The following OSTM1 variants were observed in gnomAD, a reference collection of about 807,000 sequenced individuals.
The protein encoded by OSTM1 is osteoclastogenesis associated transmembrane protein 1, also known as osteopetrosis-associated transmembrane protein 1.
OSTM1 carries 26 observed loss-of-function variants against 35.4 expected under a neutral mutation model. The ratio of observed to expected loss-of-function variants is 0.73; its 90% CI spans 0.54 to 1.02. The LOEUF (loss-of-function observed/expected upper bound fraction) is 1.02, where lower values mean the gene tolerates loss of function less well. Ranked by LOEUF, OSTM1 falls within the 50% of genes least tolerant of loss-of-function variation. The pLI, the probability that OSTM1 is intolerant of heterozygous loss-of-function variation, is 0.00. For synonymous variants in OSTM1, 181 were observed against 165.0 expected (o/e 1.10, Z -0.75); for missense variants, 366 against 409.6 (o/e 0.89, Z 0.92).
intron 4 of OSTM1, among the ~76,000 whole-genome samples, chr6:108,050,107 CCATT>C (rs1195590944): frequency 6.6e-6 from 1 of 152,048 alleles, no homozygotes; most frequent in Non-Finnish European, 1.5e-5. Context: ...TTTTTTTTGA[CCATT>C]CAATTAATAC....
At position 108,065,216 on chromosome 6, in the gene OSTM1, T is replaced by C. The variant is rs535716826; in HGVS notation, c.403-917A>G. Among the ~76,000 whole-genome samples, 11 of 151,246 alleles carry C rather than the reference T, an allele frequency of 7.3e-5. No homozygotes were observed. The South Asian group carries it at 2.3e-3, about 32-fold the overall frequency. On this transcript the variant is annotated intron_variant, in intron 1 of 5. Coordinates refer to ENST00000193322, the MANE Select transcript of OSTM1 (RefSeq NM_014028.4). ...ATTACCTTCTGAGCAATACCAGCCA[T>C]AGAAGAAAATTTTCTATTATCACTT... is the stretch of plus-strand genomic sequence containing the variant.
intron 1 of OSTM1, among the ~76,000 whole-genome samples, chr6:108,070,470 G>GA (rs1460610628): frequency 6.6e-6 from 1 of 152,136 alleles, no homozygotes; most frequent in Non-Finnish European, 1.5e-5. Context: ...TATACTGATA[G>GA]TTTGAGGCCT....
chr6:108,053,746 A>T (rs778199462), intron 3 of OSTM1, among the ~76,000 whole-genome samples: 12 of 152,206 alleles, frequency 7.9e-5, no homozygotes, highest in Non-Finnish European at 1.5e-4. Flanking sequence ...GATTATAGGC[A>T]TGAGATACTG....
intron 1 of OSTM1, 76 bp downstream of exon 1, chr6:108,074,169 CCCCCA>C: frequency 7.3e-7 from 1 of 1,375,134 alleles, no homozygotes; most frequent in Non-Finnish European, 1.0e-6. Context: ...GAAACTGAGG[CCCCCA>C]GCGCTGACCA....
In OSTM1 at chr6:108,057,096, C is replaced by T. The variant is rs544681074; in HGVS notation, c.518-2509G>A. Among the ~76,000 whole-genome samples the T allele has an allele frequency of 1.3e-3, 191 of 152,040 alleles. 1 individual carries two copies. The highest frequency in any genetic ancestry group is 2.3e-3 in the Non-Finnish European group (158 of 68,010). ...ATACAAAATTAGCCAGGCATGGTGG[C>T]GTGCATCTGTGGTCCCAGCGGCTTG... On this transcript the variant is annotated intron_variant, in intron 2 of 5. Transcript: ENST00000193322.
chr6:108,067,203 AAAG>A (rs1434037563), intron 1 of OSTM1, among the ~76,000 whole-genome samples: 4 of 152,110 alleles, frequency 2.6e-5, no homozygotes, highest in African/African-American at 9.7e-5. Context: ...TTTACTCTCA[AAAG>A]AAGATCTAGC....
At chr6:108,056,908 T>C (rs925601626) in intron 2 of OSTM1, among the ~76,000 whole-genome samples, 3 of 152,210 alleles carry the variant, frequency 2.0e-5, no homozygotes, top group African/African-American at 7.2e-5. Flanking sequence ...ATAGGTGATA[T>C]GCTGATGATC....
Position 108,067,224 on chromosome 6 carries a change from A to G in OSTM1, c.403-2925T>C, listed in dbSNP as rs546581654. 3.3e-5 allele frequency among the ~76,000 whole-genome samples: 5 copies of G among 152,288 alleles called. 1 individual carries two copies. Among genetic ancestry groups the G allele is most frequent in the South Asian group, 2.1e-4 (1 of 4,830 alleles). ...CTCAAAAGAAGATCTAGCCTCCTGG[A>G]TAACAGAAGCCTTCGAGCTGAAACT... On this transcript the variant is annotated intron_variant, in intron 1 of 5. Transcript: ENST00000193322.
In OSTM1 at chr6:108,067,262, C is replaced by A. The variant is rs1772396357; in HGVS notation, c.403-2963G>T. On this transcript the variant is annotated intron_variant, in intron 1 of 5. Coordinates refer to ENST00000193322, the MANE Select transcript of OSTM1 (RefSeq NM_014028.4). ...TCGAGCTGAAACTCTAACCTGCCTA[C>A]CCCTACATGCAACCTCTCCTTCTAC... Among the ~76,000 whole-genome samples the A allele has an allele frequency of 2.0e-5, 3 of 152,126 alleles. 1 individual carries two copies. Among genetic ancestry groups the A allele is most frequent in the Non-Finnish European group, 2.9e-5 (2 of 68,034 alleles).
Position 108,042,307 on chromosome 6 carries a change from GA to G in OSTM1, c.*2477del, listed in dbSNP as rs1443055927. ...AAAAAAATTAATTATAAAAAAAAAAGAAAAAATATATCTGATGTTATTTCTA... is the reference window on the plus strand; with the variant it reads ...AAAAAAATTAATTATAAAAAAAAAAGAAAAATATATCTGATGTTATTTCTA... On this transcript the variant is annotated 3_prime_UTR_variant, in exon 6 of 6. Coordinates refer to ENST00000193322, the MANE Select transcript of OSTM1 (RefSeq NM_014028.4). 35 of 133,686 alleles carry G rather than the reference GA, an allele frequency of 2.6e-4. No individual in the cohort carries two copies. Among genetic ancestry groups the G allele is most frequent in the Admixed American group, 2.4e-3 (32 of 13,538 alleles). 8.3% of individuals were successfully genotyped at this position (133,686 alleles called of 1,614,324 possible).
In OSTM1 at chr6:108,074,648, C is replaced by G. The variant is rs1772560432; in HGVS notation, c.4G>C (p.Glu2Gln). Residue 2 changes from glutamate (E) to glutamine (Q), a missense_variant, in exon 1 of 6, where the codon GAG becomes CAG. Glu to Gln is a conservative substitution (Grantham distance 29). Around this residue, in one of 3 missense-constraint regions of OSTM1, gnomAD observed 236 missense variants for 239.3 expected, o/e 0.99. Coordinates refer to ENST00000193322, the MANE Select transcript of OSTM1 (RefSeq NM_014028.4). M[E>Q]PGPTAAQRRC... ...CGCTGCGCGGCTGTCGGGCCCGGCT[C>G]CATCACCGGGCTCACACACCCCAGG... 7.8e-6 allele frequency: 12 copies of G among 1,544,868 alleles called. No homozygotes were observed. The highest frequency in any genetic ancestry group is 9.5e-6 in the Non-Finnish European group (11 of 1,152,214).
chr6:108,049,391 G>A lies in OSTM1; in HGVS notation c.811C>T (p.Arg271Ter), dbSNP rs761026137. Residue 271 changes from arginine to a stop codon, truncating the protein, a stop_gained, in exon 5 of 6, where the codon CGA (arginine) becomes TGA (stop). Coordinates refer to ENST00000193322, the MANE Select transcript of OSTM1 (RefSeq NM_014028.4). LOFTEE classifies it high-confidence loss of function. ...AMNITRKLWS[R>*]TFNCSVPCSD... ...CAAGGGACTGAACAGTTGAAAGTTC[G>A]ACTCCATAGTTTTCGAGTGATGTTC... 5 of 1,613,624 alleles carry A rather than the reference G, an allele frequency of 3.1e-6. No homozygotes were observed. Among genetic ancestry groups the A allele is most frequent in the East Asian group, 2.2e-5 (1 of 44,864 alleles).
chr6:108,054,192 A>G lies in OSTM1; in HGVS notation c.615+298T>C, dbSNP rs146337945. Among the ~76,000 whole-genome samples the G allele has an allele frequency of 4.8e-4, 73 of 152,378 alleles. 1 individual carries two copies. The highest frequency in any genetic ancestry group is 6.8e-3 in the Middle Eastern group (2 of 294). ...TCAGATTGAAAACCATTGTGTTTTA[A>G]TTAAACAATCACACACCTCAATCAA... On this transcript the variant is annotated intron_variant, in intron 3 of 5. Coordinates refer to ENST00000193322, the MANE Select transcript of OSTM1 (RefSeq NM_014028.4).
intron 2 of OSTM1, among the ~76,000 whole-genome samples, chr6:108,061,355 T>C (rs1453060957): frequency 6.6e-6 from 1 of 152,076 alleles, no homozygotes; most frequent in Admixed American, 6.6e-5. Flanking sequence ...TAATCTATCC[T>C]TCTATTTCCA....
rs774345785 is a variant in OSTM1, at chr6:108,074,463, C to T, written c.189G>A (p.Leu63=). ...ACAGAGGCCCCAGCCCTCCACCCTG[C>T]AGGAGGGACAGGGACAAGTCCTCCA... The part of the protein sequence containing the change: ...LEVEDLSLSL[L]QGGGLGPLSL... The change falls in exon 1 of 6, where the codon CTG becomes CTA. Residue 63 remains leucine (L), a synonymous_variant. Coordinates refer to ENST00000193322, the MANE Select transcript of OSTM1 (RefSeq NM_014028.4). 10 of 1,556,776 alleles carry T rather than the reference C, an allele frequency of 6.4e-6. No individual in the cohort carries two copies. In the Middle Eastern group the frequency reaches 6.7e-4, roughly 104 times the overall value.
chr6:108,062,563 T>A (rs1484950136), intron 2 of OSTM1, among the ~76,000 whole-genome samples: 1 of 150,358 alleles, frequency 6.7e-6, no homozygotes, highest in Non-Finnish European at 1.5e-5. Context: ...GTTATTGTTG[T>A]TGTAGATAGG....
chr6:108,062,148 A>G (rs145062622), intron 2 of OSTM1, among the ~76,000 whole-genome samples: 3 of 152,310 alleles, frequency 2.0e-5, no homozygotes, highest in African/African-American at 7.2e-5. Context: ...ATTAAAAACA[A>G]AAACTAATAA....
At chr6:108,072,841 T>G (rs1772510110) in intron 1 of OSTM1, among the ~76,000 whole-genome samples, 2 of 152,146 alleles carry the variant, frequency 1.3e-5, no homozygotes, top group Admixed American at 6.5e-5. Context: ...CACCCCAACC[T>G]TGGCCTTCCA....
rs1180847184 is a variant in OSTM1, at chr6:108,074,583, C to G, written c.69G>C (p.Leu23=). ...SLPPWLPLGL[L]LWSGLALGAL... is the part of the protein sequence containing the mutation. ...CGCCCAGGGCCAGCCCCGACCACAG[C>G]AGCAGCCCCAGCGGCAGCCACGGCG... is the stretch of plus-strand genomic sequence containing the variant. The change falls in exon 1 of 6, where the codon CTG becomes CTC. Residue 23 remains leucine (L), a synonymous_variant. Coordinates refer to ENST00000193322, the MANE Select transcript of OSTM1 (RefSeq NM_014028.4). 1 of 1,565,160 alleles carries G rather than the reference C, an allele frequency of 6.4e-7. No individual in the cohort carries two copies. The highest frequency in any genetic ancestry group is 1.4e-5 in the African/African-American group (1 of 73,978).
Sources: gnomAD v4.1 joint callset for allele counts (sites outside exome capture counted in the v4.1 genomes callset) on GRCh38, gnomAD v4.1.1 for gene constraint, gnomAD v4.1.1 regional missense constraint, MANE v1.5 for transcripts, NCBI Gene and HGNC (gene_info 2026-07-23, HGNC 2026-07-21) for gene names.